HADHA: variants seen among roughly 807,000 people sequenced by gnomAD.
HADHA encodes trifunctional enzyme subunit alpha, mitochondrial.
A neutral mutation model predicts 91.3 loss-of-function variants in HADHA; 59 were observed. That is an observed-to-expected ratio of 0.65 (90% confidence interval 0.52 to 0.80). The LOEUF (loss-of-function observed/expected upper bound fraction) is 0.80, where lower values mean the gene tolerates loss of function less well. HADHA is among the 30% of genes least tolerant of loss of function. The probability of loss-of-function intolerance (pLI) is 0.00; values close to 1 mark genes in which losing one functional copy is unlikely to be tolerated. For missense variants in HADHA, 800 were observed against 927.6 expected (o/e 0.86, Z 1.79); for synonymous variants, 320 against 338.9 (o/e 0.94, Z 0.61).
intron 5 of HADHA, 75 bp downstream of exon 5, chr2:26,234,142 T>C: frequency 2.8e-6 from 4 of 1,413,020 alleles, no homozygotes; most frequent in Non-Finnish European, 4.0e-6. Flanking sequence ...GGCAAAGCAG[T>C]AGCCTAAGGG....
intron 11 of HADHA, among the ~76,000 whole-genome samples, chr2:26,207,929 C>A (rs554609312): frequency 2.0e-5 from 3 of 152,138 alleles, no homozygotes; most frequent in Non-Finnish European, 2.9e-5. Context: ...GGAAGAATTA[C>A]TGATAACTGG....
At chr2:26,200,405 C>G (rs1421425898) in intron 13 of HADHA, among the ~76,000 whole-genome samples, 5 of 152,202 alleles carry the variant, frequency 3.3e-5, no homozygotes, top group Non-Finnish European at 5.9e-5. Flanking sequence ...TTGTTCATGT[C>G]AGCCCATCTC....
Position 26,230,603 on chromosome 2 carries a change from T to G in HADHA, c.574-309A>C, listed in dbSNP as rs566873823. Among the ~76,000 whole-genome samples, 34 of 152,096 alleles carry G rather than the reference T, an allele frequency of 2.2e-4. No homozygotes were observed. The East Asian group carries it at 6.4e-3, about 28-fold the overall frequency. The stretch of plus-strand genomic sequence containing the variant: ...TGTACATTTCTGTTATTCTGAGGGG[T>G]TTTTTTCTATCATATATATAATATG... On this transcript the variant is annotated intron_variant, in intron 6 of 19. Coordinates refer to ENST00000380649, the MANE Select transcript of HADHA (RefSeq NM_000182.5).
rs1057516461 is a variant in HADHA at position 26,201,304 on chromosome 2, T to A, written c.1237A>T (p.Lys413Ter). Residue 413 changes from lysine (K) to a stop codon, truncating the protein, a stop_gained, in exon 13 of 20, where the codon AAG (lysine) becomes TAG (stop). Coordinates refer to ENST00000380649, the MANE Select transcript of HADHA (RefSeq NM_000182.5). LOFTEE classifies it high-confidence loss of function. ...QVFKGLNDKVKKKALTSFERD... is the reference protein window; with the variant it reads ...QVFKGLNDKV Reference sequence around the variant, plus strand: ...TCAAATGATGTTAGAGCTTTCTTCTTCACTTTGTCATTCAATCTAGAAAAA... The same window carrying A: ...TCAAATGATGTTAGAGCTTTCTTCTACACTTTGTCATTCAATCTAGAAAAA... 3 of 1,609,348 alleles carry A rather than the reference T, an allele frequency of 1.9e-6. No homozygotes were observed. The South Asian group carries it at 3.3e-5, about 18-fold the overall frequency.
intron 18 of HADHA, among the ~76,000 whole-genome samples, chr2:26,192,065 C>T (rs1246156760): frequency 4.6e-5 from 7 of 152,224 alleles, no homozygotes; most frequent in Admixed American, 3.3e-4. Context: ...CCAAGGAGCA[C>T]GTGCGAGGGC....
chr2:26,231,450 A>T (rs775417994), intron 6 of HADHA, among the ~76,000 whole-genome samples: 9 of 152,222 alleles, frequency 5.9e-5, no homozygotes, highest in Non-Finnish European at 1.3e-4. Flanking sequence ...TTTTGGTTCC[A>T]TACAACACAG....
intron 12 of HADHA, among the ~76,000 whole-genome samples, chr2:26,202,285 G>A (rs1269472077): frequency 6.6e-6 from 1 of 152,028 alleles, no homozygotes; most frequent in Non-Finnish European, 1.5e-5. Flanking sequence ...ATTTTTCGTC[G>A]CCAAGGGAAA....
chr2:26,241,583 G>C (rs1030631648), intron 1 of HADHA, among the ~76,000 whole-genome samples: 1 of 151,922 alleles, frequency 6.6e-6, no homozygotes, highest in Admixed American at 6.6e-5. Context: ...CCCGGGAGGC[G>C]GAGGTTGCAG....
intron 7 of HADHA, among the ~76,000 whole-genome samples, chr2:26,216,475 T>C (rs1670223918): frequency 6.6e-6 from 1 of 151,994 alleles, no homozygotes; most frequent in African/African-American, 2.4e-5. Flanking sequence ...TGCATGCCAC[T>C]GTGCCCAGCT....
Position 26,193,593 on chromosome 2 carries a change from C to T in HADHA, c.1869G>A (p.Val623=), listed in dbSNP as rs2147751984. The T allele has an allele frequency of 6.2e-7, 1 of 1,613,708 alleles. No individual in the cohort carries two copies. Among genetic ancestry groups the T allele is most frequent in the Non-Finnish European group, 8.5e-7 (1 of 1,179,624 alleles). The change falls in exon 17 of 20, where the codon GTG becomes GTA. Residue 623 remains valine, a synonymous_variant. Coordinates refer to ENST00000380649, the MANE Select transcript of HADHA (RefSeq NM_000182.5). ...GGNPELLTQM[V]SKGFLGRKSG... is the part of the protein sequence containing the mutation. ...GCTACTCACCTAGGAAGCCCTTGGA[C>T]ACCATCTGTGTCAGCAGTTCTGGGT... is the stretch of plus-strand genomic sequence containing the variant.
chr2:26,197,883 C>G (rs1469229705), intron 13 of HADHA, 106 bp from the exon 14 acceptor site: 11 of 746,164 alleles, frequency 1.5e-5, no homozygotes, highest in Non-Finnish European at 2.7e-5. Flanking sequence ...CTCTGTCCCC[C>G]ACAACTGCTC....
At chr2:26,227,909 G>A (rs1670522245) in intron 7 of HADHA, among the ~76,000 whole-genome samples, 1 of 151,738 alleles carries the variant, frequency 6.6e-6, no homozygotes, top group Admixed American at 6.6e-5. Context: ...TCAAACTCCT[G>A]GGTTCAAGCA....
In HADHA at chr2:26,229,989, G is replaced by A. The variant is rs546262342; in HGVS notation, c.676+203C>T. ...ACTACAGGTTTGCACCACCACACCC[G>A]GCTAATCATTTTTAGTGGAGACAGG... is the stretch of plus-strand genomic sequence containing the variant. On this transcript the variant is annotated intron_variant, in intron 7 of 19. Transcript: ENST00000380649. The surrounding 1 kb of genome is among the most constrained non-coding windows in gnomAD (Gnocchi z 4.3). 4.6e-5 allele frequency among the ~76,000 whole-genome samples: 7 copies of A among 152,188 alleles called. No homozygotes were observed. Among genetic ancestry groups the A allele is most frequent in the East Asian group, 1.9e-4 (1 of 5,170 alleles).
At chr2:26,200,635 C>T (rs1004642038) in intron 13 of HADHA, among the ~76,000 whole-genome samples, 19 of 152,130 alleles carry the variant, frequency 1.2e-4, no homozygotes, top group African/African-American at 3.6e-4. Flanking sequence ...ATAAGGTGAA[C>T]GCACCCTCAT....
intron 7 of HADHA, among the ~76,000 whole-genome samples, chr2:26,225,419 G>C (rs573879050): frequency 1.3e-5 from 2 of 150,560 alleles, no homozygotes; most frequent in Admixed American, 1.3e-4. Context: ...AAAAAGAGGA[G>C]AGAACACTTC....
intron 7 of HADHA, among the ~76,000 whole-genome samples, chr2:26,225,674 G>A (rs977905919): frequency 6.6e-6 from 1 of 152,062 alleles, no homozygotes; most frequent in South Asian, 2.1e-4. Flanking sequence ...TGGAGAAAAG[G>A]CATGACAAAA....
chr2:26,216,317 ATTTTTTT>A (rs11406704), intron 7 of HADHA, among the ~76,000 whole-genome samples: 61 of 110,170 alleles, frequency 5.5e-4, no homozygotes, highest in African/African-American at 2.1e-3. Context: ...CATTTGACCT[ATTTTTTT>A]TTTTTTTTTT....
chr2:26,201,855 C>T (rs985858022), intron 12 of HADHA, among the ~76,000 whole-genome samples: 48 of 151,424 alleles, frequency 3.2e-4, no homozygotes, highest in Non-Finnish European at 6.2e-4. Context: ...AGTGCAGTGG[C>T]GTGATCTCAG....
intron 10 of HADHA, chr2:26,212,248 G>C (rs963998914): frequency 4.7e-5 from 17 of 363,698 alleles, no homozygotes; most frequent in Middle Eastern, 9.5e-4. Context: ...CACCATGCCT[G>C]GCTAACTTTT....
Sources: gnomAD v4.1 joint callset for allele counts (sites outside exome capture counted in the v4.1 genomes callset) on GRCh38, gnomAD v4.1.1 for gene constraint, Gnocchi (gnomAD v3.1) non-coding constraint, MANE v1.5 for transcripts, NCBI Gene and HGNC (gene_info 2026-07-23, HGNC 2026-07-21) for gene names.